AGRN: variants seen among roughly 807,000 people sequenced by gnomAD.
AGRN encodes agrin proteoglycan.
A neutral mutation model predicts 211.0 loss-of-function variants in AGRN; 106 were observed. The observed-to-expected ratio is 0.50, with a 90% CI of 0.43 to 0.59. The LOEUF is 0.59. Ranked by LOEUF, AGRN falls within the 20% of genes least tolerant of loss-of-function variation. The probability of loss-of-function intolerance (pLI) is 0.00; values close to 1 mark genes in which losing one functional copy is unlikely to be tolerated. For synonymous variants in AGRN, 1,525 were observed against 1,332.5 expected (o/e 1.14, Z -3.15); for missense variants, 3,040 against 2,982.6 (o/e 1.02, Z -0.45).
chr1:1,049,101 G>A (rs1354091671), intron 24 of AGRN, 42 bp downstream of exon 24: 9 of 1,133,308 alleles, frequency 7.9e-6, no homozygotes, highest in East Asian at 6.2e-5. Flanking sequence ...TCAGGTGGGC[G>A]GGGAGGGGAC....
chr1:1,049,878 C>T (rs754360371), intron 26 of AGRN, 25 bp from the exon 27 acceptor site: 4 of 1,611,232 alleles, frequency 2.5e-6, no homozygotes, highest in Admixed American at 1.7e-5. Context: ...GGACCTCGGT[C>T]CCGGTCCCGT....
intron 15 of AGRN, 34 bp from the exon 16 acceptor site, chr1:1,045,930 C>T (rs766918665): frequency 8.1e-6 from 13 of 1,610,718 alleles, no homozygotes; most frequent in Middle Eastern, 1.6e-4. Context: ...TGGGGTCACC[C>T]GAGCCACAGA....
rs765325716 is a variant in AGRN, at chr1:1,053,873, G to A, written c.5772G>A (p.Val1924=). The A allele has an allele frequency of 1.9e-6, 3 of 1,609,770 alleles. No homozygotes were observed. Among genetic ancestry groups the A allele is most frequent in the Non-Finnish European group, 2.5e-6 (3 of 1,178,832 alleles). The part of the protein sequence containing the change: ...ERADYVALAI[V]DGHLQLSYNL... The stretch of plus-strand genomic sequence containing the variant: ...CAGACTATGTGGCACTGGCCATTGT[G>A]GACGGGCACCTGCAACTGAGCTACA... Residue 1924 remains valine, a synonymous_variant, in exon 34 of 36, where the codon GTG becomes GTA. Coordinates refer to ENST00000379370, the MANE Select transcript of AGRN (RefSeq NM_198576.4).
intron 2 of AGRN, among the ~76,000 whole-genome samples, chr1:1,029,819 A>G (rs1481879341): frequency 1.4e-5 from 1 of 71,716 alleles, no homozygotes; most frequent in African/African-American, 5.2e-5. Context: ...GCTGTGTGAG[A>G]TCAGCGTGTG....
At position 1,051,897 on chromosome 1, in the gene AGRN, A is replaced by G; in HGVS notation, c.5651+82A>G. 6 of 1,573,026 alleles carry G rather than the reference A, an allele frequency of 3.8e-6. No homozygotes were observed. In the South Asian group the frequency reaches 6.9e-5, roughly 18 times the overall value. On this transcript the variant is annotated intron_variant, in intron 33 of 35. Coordinates refer to ENST00000379370, the MANE Select transcript of AGRN (RefSeq NM_198576.4). ...CCGGACCCCCACACCAGGAGGGCCC[A>G]GGAGGGGACGGCCCGGTGCTGCCAC...
intron 33 of AGRN, 177 bp from the exon 34 acceptor site, chr1:1,053,576 G>T (rs1645369851): frequency 1.3e-6 from 2 of 1,517,574 alleles, no homozygotes; most frequent in Admixed American, 4.0e-5. Flanking sequence ...TCTCTGCCAG[G>T]CTGCCCCTGT....
rs775175131 is a variant in AGRN, at chr1:1,048,196, C to T, written c.3936C>T (p.Thr1312=). The change falls in exon 23 of 36, where the codon ACC becomes ACT. Residue 1312 remains threonine (T), a synonymous_variant. Coordinates refer to ENST00000379370, the MANE Select transcript of AGRN (RefSeq NM_198576.4). This position sits in a 1 kb window ranked among gnomAD's most constrained non-coding sequence, Gnocchi z 5.9. ...TAAPTTRRPP[T]TAPSRVPGRR... ...CCCCCACCACACGTCGGCCCCCCAC[C>T]ACTGCCCCCAGCCGTGTGCCCGGAC... The T allele has an allele frequency of 5.8e-5, 91 of 1,564,048 alleles. 1 individual carries two copies. The African/African-American group carries it at 1.1e-3, about 20-fold the overall frequency.
At position 1,047,676 on chromosome 1, in the gene AGRN, A is replaced by G; in HGVS notation, c.3620A>G (p.His1207Arg). The change falls in exon 21 of 36, where the codon CAC becomes CGC. Residue 1207 changes from histidine (H) to arginine (R), a missense_variant. His to Arg is a conservative substitution (Grantham distance 29, BLOSUM62 0). Around this residue, in one of 3 missense-constraint regions of AGRN, gnomAD observed 1,537 missense variants for 1,505.0 expected, o/e 1.02. Coordinates refer to ENST00000379370, the MANE Select transcript of AGRN (RefSeq NM_198576.4). ...TCCGTCCGCGCCATTGTGGATGTGC[A>G]CTTTGACCCCAGTGAGACCTGCACC... ...GKSVRAIVDV[H>R]FDPTTAFRAP... 2.5e-6 allele frequency: 4 copies of G among 1,613,068 alleles called. No homozygotes were observed. Among genetic ancestry groups the G allele is most frequent in the Non-Finnish European group, 3.4e-6 (4 of 1,180,006 alleles).
chr1:1,051,898 G>C, intron 33 of AGRN, 83 bp downstream of exon 33: 1 of 1,569,034 alleles, frequency 6.4e-7, no homozygotes, highest in Non-Finnish European at 8.6e-7. Context: ...GGAGGGCCCA[G>C]GAGGGGACGG....
intron 2 of AGRN, among the ~76,000 whole-genome samples, chr1:1,024,797 G>A (rs1644482928): frequency 6.6e-6 from 1 of 152,016 alleles, no homozygotes; most frequent in Non-Finnish European, 1.5e-5. Context: ...CCCCTTCTCT[G>A]CCTAGGGAGC....
At position 1,049,318 on chromosome 1, in the gene AGRN, C is replaced by T. The variant is rs1645202958; in HGVS notation, c.4381C>T (p.Arg1461Trp). ...PGQWHRLELS[R>W]HWRRGTLSVD... The stretch of plus-strand genomic sequence containing the variant: ...CCAGTGGCACCGCCTGGAGCTGTCC[C>T]GGCACTGGCGCCGGGGCACCCTCTC... The change falls in exon 25 of 36, where the codon CGG becomes TGG. Residue 1461 changes from arginine (R) to tryptophan (W), a missense_variant. By Grantham distance (101) the Arg-to-Trp change is moderately radical. Transcript: ENST00000379370. 12 of 1,596,800 alleles carry T rather than the reference C, an allele frequency of 7.5e-6. No homozygotes were observed. The highest frequency in any genetic ancestry group is 1.3e-5 in the African/African-American group (1 of 74,432).
intron 2 of AGRN, among the ~76,000 whole-genome samples, chr1:1,025,690 C>T (rs1051247821): frequency 3.9e-5 from 6 of 152,116 alleles, no homozygotes; most frequent in Non-Finnish European, 5.9e-5. Context: ...AGGCTGCTGC[C>T]CCAATCTCCC....
chr1:1,040,544 C>A, intron 3 of AGRN, 121 bp from the exon 4 acceptor site: 1 of 1,214,902 alleles, frequency 8.2e-7, no homozygotes, highest in South Asian at 1.4e-5. Context: ...CCGTGGTGGA[C>A]CCCCGATGCG....
In AGRN at chr1:1,048,900, G is replaced by A. The variant is rs183686622; in HGVS notation, c.4139G>A (p.Arg1380His). The A allele has an allele frequency of 3.5e-4, 545 of 1,548,768 alleles. 2 individuals are homozygous for A. The African/African-American group carries it at 6.7e-3, about 19-fold the overall frequency. The change falls in exon 24 of 36, where the codon CGC (arginine) becomes CAC (histidine). Residue 1380 changes from arginine (R) to histidine (H), a missense_variant. Arg to His is a conservative substitution (Grantham distance 29, BLOSUM62 0). Coordinates refer to ENST00000379370, the MANE Select transcript of AGRN (RefSeq NM_198576.4). The surrounding 1 kb of genome is among the most constrained non-coding windows in gnomAD (Gnocchi z 5.9). The stretch of plus-strand genomic sequence containing the variant: ...GCCCCTGTGCCGGCCTTCGAGGGCC[G>A]CTCCTTCCTGGCCTTCCCCACTCTC... ...LGAPVPAFEG[R>H]SFLAFPTLRA...
chr1:1,045,040 CTG>C, intron 12 of AGRN, 119 bp from the exon 13 acceptor site: 1 of 1,119,842 alleles, frequency 8.9e-7, no homozygotes, highest in Non-Finnish European at 1.3e-6. Context: ...CCGGGCTCCT[CTG>C]GGAGCTGGGA....
chr1:1,025,325 C>G (rs1240059698), intron 2 of AGRN, among the ~76,000 whole-genome samples: 2 of 152,186 alleles, frequency 1.3e-5, no homozygotes, highest in African/African-American at 4.8e-5. Flanking sequence ...TTCCTCCCTG[C>G]CTGGCCAGCT....
chr1:1,050,912 C>G, intron 30 of AGRN, 75 bp downstream of exon 30: 1 of 1,528,716 alleles, frequency 6.5e-7, no homozygotes, highest in Middle Eastern at 1.7e-4. Flanking sequence ...CCGCCCCTGC[C>G]GGCGCTCACG....
intron 2 of AGRN, among the ~76,000 whole-genome samples, chr1:1,027,063 T>A (rs985968878): frequency 6.6e-6 from 1 of 152,064 alleles, no homozygotes; most frequent in Non-Finnish European, 1.5e-5. Context: ...GAACTTCCTC[T>A]GAGGAAGGCC....
chr1:1,053,626 A>C (rs895396521), intron 33 of AGRN, 127 bp from the exon 34 acceptor site: 3 of 1,482,160 alleles, frequency 2.0e-6, no homozygotes, highest in Non-Finnish European at 1.8e-6. Flanking sequence ...GTGTCTGCCC[A>C]CCAGCCACCC....
Sources: allele counts gnomAD v4.1 joint callset (sites outside exome capture counted in the v4.1 genomes callset), GRCh38; gene constraint gnomAD v4.1.1; regional missense constraint gnomAD v4.1.1; non-coding constraint Gnocchi (gnomAD v3.1); transcripts MANE v1.5; gene names NCBI Gene and HGNC (gene_info 2026-07-23, HGNC 2026-07-21).